RTN1: variants seen among roughly 807,000 people sequenced by gnomAD.
RTN1 encodes reticulon 1.
A neutral mutation model predicts 65.5 loss-of-function variants in RTN1; 25 were observed. The observed-to-expected ratio is 0.38, with a 90% CI of 0.28 to 0.53. The LOEUF is 0.53. RTN1 is among the 20% of genes least tolerant of loss of function. The probability of loss-of-function intolerance (pLI) is 0.79; values close to 1 mark genes in which losing one functional copy is unlikely to be tolerated. For missense variants in RTN1, 983 were observed against 1,025.4 expected (o/e 0.96, Z 0.57); for synonymous variants, 471 against 447.6 (o/e 1.05, Z -0.66).
chr14:59,665,448 A>G lies in RTN1; in HGVS notation c.1766-57956T>C, dbSNP rs574323768. Among the ~76,000 whole-genome samples, 3 of 152,348 alleles carry G rather than the reference A, an allele frequency of 2.0e-5. No homozygotes were observed. The South Asian group carries it at 6.2e-4, about 32-fold the overall frequency. ...CAAGAGCTCCTGAAGGAAGCATTAA[A>G]CATGGAAAGAAACAACCGGTACCAG... On this transcript the variant is annotated intron_variant, in intron 3 of 8. Coordinates refer to ENST00000267484, the MANE Select transcript of RTN1 (RefSeq NM_021136.3).
chr14:59,655,421 T>C (rs1883103208), intron 3 of RTN1, among the ~76,000 whole-genome samples: 1 of 152,248 alleles, frequency 6.6e-6, no homozygotes, highest in South Asian at 2.1e-4. Context: ...TGTCAAAATG[T>C]CATTTAGTTT....
At chr14:59,624,540 C>T (rs939488346) in intron 3 of RTN1, among the ~76,000 whole-genome samples, 8 of 151,810 alleles carry the variant, frequency 5.3e-5, no homozygotes, top group Admixed American at 1.3e-4. Context: ...CAGCTCACTG[C>T]AACCTCTGCC....
chr14:59,727,804 G>C lies in RTN1; in HGVS notation c.1016-136C>G. On this transcript the variant is annotated intron_variant, in intron 2 of 8. Transcript: ENST00000267484. This position sits in a 1 kb window ranked among gnomAD's most constrained non-coding sequence, Gnocchi z 4.2. ...TGCTTGAGAAACACATATCTCATTA[G>C]CACAAAAATAATCTGTTTCCAGGGC... 1.6e-6 allele frequency: 2 copies of C among 1,239,878 alleles called. No individual in the cohort carries two copies. The highest frequency in any genetic ancestry group is 3.2e-5 in the South Asian group (2 of 61,664). 76.8% of individuals were successfully genotyped at this position (1,239,878 alleles called of 1,614,324 possible).
chr14:59,746,330 A>T lies in RTN1; in HGVS notation c.393T>A (p.Asn131Lys). 6.2e-7 allele frequency: 1 copy of T among 1,614,166 alleles called. No homozygotes were observed. Among genetic ancestry groups the T allele is most frequent in the South Asian group, 1.1e-5 (1 of 91,082 alleles). Residue 131 changes from asparagine to lysine, a missense_variant, in exon 2 of 9, where the codon AAT (asparagine) becomes AAA (lysine). Physicochemically the swap from Asn to Lys is moderately conservative, Grantham distance 94. This residue lies in a region of RTN1 where 818 missense variants were observed against 801.8 expected (regional missense o/e 1.02). Transcript: ENST00000267484. Reference protein sequence around the residue: ...TYFTGILQKENGHVTISESPE... With the variant: ...TYFTGILQKEKGHVTISESPE... ...GGCTCTCTGAAATGGTGACGTGGCC[A>T]TTTTCCTTCTGAAGAATTCCAGTAA... is the stretch of plus-strand genomic sequence containing the variant.
chr14:59,852,661 T>C (rs1234375803), intron 1 of RTN1, among the ~76,000 whole-genome samples: 1 of 152,232 alleles, frequency 6.6e-6, no homozygotes, highest in African/African-American at 2.4e-5. Flanking sequence ...TACTGTCTAC[T>C]GGTAGAGCCA....
chr14:59,793,677 G>A (rs1328158393), intron 1 of RTN1, among the ~76,000 whole-genome samples: 3 of 150,014 alleles, frequency 2.0e-5, no homozygotes, highest in Non-Finnish European at 4.4e-5. Flanking sequence ...CACACAGAGT[G>A]ATGAGAACAA....
At chr14:59,839,783 T>C (rs1170577192) in intron 1 of RTN1, among the ~76,000 whole-genome samples, 1 of 152,082 alleles carries the variant, frequency 6.6e-6, no homozygotes, top group South Asian at 2.1e-4. Flanking sequence ...TGTTTTTTTT[T>C]CTCTCTCTAA....
Position 59,745,576 on chromosome 14 carries a change from A to C in RTN1, c.1015+132T>G, listed in dbSNP as rs112276445. 3,661 of 712,934 alleles carry C rather than the reference A, an allele frequency of 5.1e-3. 95 individuals carry two copies. In the African/African-American group the frequency reaches 0.059, roughly 11 times the overall value. 44.2% of individuals were successfully genotyped at this position (712,934 alleles called of 1,614,324 possible). A position where few individuals can be genotyped will look rare whatever the true frequency, so the allele number is the denominator to read the frequency against. On this transcript the variant is annotated intron_variant, in intron 2 of 8. Coordinates refer to ENST00000267484, the MANE Select transcript of RTN1 (RefSeq NM_021136.3). The stretch of plus-strand genomic sequence containing the variant: ...TTTGAATATTAATTAAATTAGTTAA[A>C]CTAAATGAAATTTAAGGGGTCCAGA...
intron 3 of RTN1, among the ~76,000 whole-genome samples, chr14:59,712,271 G>A (rs570101799): frequency 1.7e-4 from 26 of 152,228 alleles, no homozygotes; most frequent in African/African-American, 6.3e-4. Context: ...GAGCTAAGTG[G>A]TATCCAACCC....
In RTN1 at chr14:59,846,265, C is replaced by T. The variant is rs976425988; in HGVS notation, c.241+24125G>A. Among the ~76,000 whole-genome samples, 6 of 152,134 alleles carry T rather than the reference C, an allele frequency of 3.9e-5. No homozygotes were observed. The highest frequency in any genetic ancestry group is 1.4e-4 in the African/African-American group (6 of 41,440). ...ACAGAATGAACTGAGATGATAAATC[C>T]TGGCCCATCTGCTGCTTGTGTCCCT... On this transcript the variant is annotated intron_variant, in intron 1 of 8. Coordinates refer to ENST00000267484, the MANE Select transcript of RTN1 (RefSeq NM_021136.3). This position sits in a 1 kb window ranked among gnomAD's most constrained non-coding sequence, Gnocchi z 4.8.
intron 3 of RTN1, among the ~76,000 whole-genome samples, chr14:59,648,391 C>T (rs1882946823): frequency 6.6e-6 from 1 of 152,208 alleles, no homozygotes; most frequent in Non-Finnish European, 1.5e-5. Context: ...ACCATTCCTA[C>T]TGAAACTATT....
chr14:59,847,365 C>A (rs975136514), intron 1 of RTN1, among the ~76,000 whole-genome samples: 1 of 151,998 alleles, frequency 6.6e-6, no homozygotes, highest in Admixed American at 6.6e-5. Context: ...TTTTATCTAC[C>A]AATAGTATTT....
At chr14:59,728,952 A>G (rs561680161) in intron 2 of RTN1, among the ~76,000 whole-genome samples, 3 of 152,330 alleles carry the variant, frequency 2.0e-5, no homozygotes, top group Middle Eastern at 3.4e-3. Context: ...AGTAAAGTAT[A>G]TAGTATGTTA....
intron 1 of RTN1, among the ~76,000 whole-genome samples, chr14:59,852,428 G>T (rs1887526090): frequency 6.6e-6 from 1 of 152,176 alleles, no homozygotes; most frequent in African/African-American, 2.4e-5. Flanking sequence ...TTTAGAGGGA[G>T]AATTAACATC....
chr14:59,848,905 T>C (rs764533261), intron 1 of RTN1, among the ~76,000 whole-genome samples: 4 of 152,102 alleles, frequency 2.6e-5, no homozygotes, highest in Admixed American at 1.3e-4. Flanking sequence ...GATGAAAGGA[T>C]AGGAAGGACT....
At chr14:59,841,853 G>A (rs963283232) in intron 1 of RTN1, among the ~76,000 whole-genome samples, 6 of 152,160 alleles carry the variant, frequency 3.9e-5, no homozygotes, top group Admixed American at 3.9e-4. Flanking sequence ...AAGGCCAGGG[G>A]CAGTGGCTTA....
intron 3 of RTN1, among the ~76,000 whole-genome samples, chr14:59,665,034 T>C (rs1883337634): frequency 6.6e-6 from 1 of 152,156 alleles, no homozygotes; most frequent in Non-Finnish European, 1.5e-5. Context: ...GCCATTCTGT[T>C]AATGTTGTTA....
chr14:59,694,923 A>G (rs1279005372), intron 3 of RTN1, among the ~76,000 whole-genome samples: 4 of 152,230 alleles, frequency 2.6e-5, no homozygotes, highest in Non-Finnish European at 5.9e-5. Context: ...GTTGGGTTCC[A>G]GTGTGGACAG....
intron 3 of RTN1, among the ~76,000 whole-genome samples, chr14:59,689,865 G>A (rs141585571): frequency 1.9e-4 from 29 of 152,106 alleles, no homozygotes; most frequent in African/African-American, 6.7e-4. Flanking sequence ...ATAAACTTAA[G>A]TACACAGCCC....
Sources: gnomAD v4.1 joint callset for allele counts (sites outside exome capture counted in the v4.1 genomes callset) on GRCh38, gnomAD v4.1.1 for gene constraint, gnomAD v4.1.1 regional missense constraint, Gnocchi (gnomAD v3.1) non-coding constraint, MANE v1.5 for transcripts, NCBI Gene and HGNC (gene_info 2026-07-23, HGNC 2026-07-21) for gene names.